ZYG11B: variants seen among roughly 807,000 people sequenced by gnomAD.
ZYG11B encodes zyg-11 family member B, cell cycle regulator.
Under a neutral mutation model 82.4 loss-of-function variants are expected in ZYG11B, and 36 were observed. The ratio of observed to expected loss-of-function variants is 0.44; its 90% CI spans 0.33 to 0.58. The LOEUF is 0.58. Among genes scored for constraint, ZYG11B ranks in the 20% least tolerant of loss-of-function variants. ZYG11B has a pLI of 0.02. For synonymous variants in ZYG11B, 303 were observed against 312.8 expected (o/e 0.97, Z 0.33); for missense variants, 552 against 895.6 (o/e 0.62, Z 4.90).
At chr1:52,767,378 C>T (rs1164255782) in intron 2 of ZYG11B, among the ~76,000 whole-genome samples, 2 of 152,042 alleles carry the variant, frequency 1.3e-5, no homozygotes, top group African/African-American at 4.8e-5. Context: ...GATCTCAACT[C>T]ACTGCAACCT....
chr1:52,757,590 G>T (rs1365374813), intron 2 of ZYG11B, among the ~76,000 whole-genome samples: 2 of 151,978 alleles, frequency 1.3e-5, no homozygotes, highest in East Asian at 3.9e-4. Context: ...CAGGAGAATC[G>T]CTTGAACCCA....
At chr1:52,757,507 C>T (rs912175621) in intron 2 of ZYG11B, among the ~76,000 whole-genome samples, 1 of 151,944 alleles carries the variant, frequency 6.6e-6, no homozygotes, top group African/African-American at 2.4e-5. Flanking sequence ...GAAACCCCAT[C>T]TTTACTAAAA....
At chr1:52,784,774 T>G (rs976152299) in intron 4 of ZYG11B, 103 bp from the exon 5 acceptor site, 1 of 1,301,172 alleles carries the variant, frequency 7.7e-7, no homozygotes, top group African/African-American at 1.5e-5. Flanking sequence ...AAAAGAAAAT[T>G]ATGACATCTT....
rs1021259311 is a variant in ZYG11B, at chr1:52,746,396, A to G, written c.31-10062A>G. Among the ~76,000 whole-genome samples, 51 of 152,174 alleles carry G rather than the reference A, an allele frequency of 3.4e-4. 1 individual carries two copies. The highest frequency in any genetic ancestry group is 3.3e-3 in the Admixed American group (50 of 15,256). ...TTCTTGAAACATCATGAAGTAGAATAGAGTTCACAGATAAACCAAGCAGAA... is the reference window on the plus strand; with the variant it reads ...TTCTTGAAACATCATGAAGTAGAATGGAGTTCACAGATAAACCAAGCAGAA... On this transcript the variant is annotated intron_variant, in intron 1 of 13. Coordinates refer to ENST00000294353, the MANE Select transcript of ZYG11B (RefSeq NM_024646.3).
chr1:52,819,807 T>A (rs1358174741), intron 13 of ZYG11B, among the ~76,000 whole-genome samples: 1 of 150,194 alleles, frequency 6.7e-6, no homozygotes, highest in Non-Finnish European at 1.5e-5. Context: ...ATAATAATAA[T>A]AATAATAGTG....
intron 1 of ZYG11B, among the ~76,000 whole-genome samples, chr1:52,752,905 C>T (rs767549287): frequency 6.6e-6 from 1 of 151,312 alleles, no homozygotes; most frequent in Non-Finnish European, 1.5e-5. Context: ...TGGAGTGCAG[C>T]AGCATGATCT....
intron 2 of ZYG11B, among the ~76,000 whole-genome samples, chr1:52,766,959 G>C (rs1644695109): frequency 6.6e-6 from 1 of 150,596 alleles, no homozygotes; most frequent in Non-Finnish European, 1.5e-5. Context: ...AGTGAGCCCA[G>C]ATCGCGCCAC....
intron 4 of ZYG11B, among the ~76,000 whole-genome samples, chr1:52,781,654 A>G (rs1419475894): frequency 6.6e-6 from 1 of 152,202 alleles, no homozygotes; most frequent in Non-Finnish European, 1.5e-5. Context: ...CAATGAGCTT[A>G]GGACTCTATT....
chr1:52,737,188 C>T lies in ZYG11B; in HGVS notation c.30+10505C>T, dbSNP rs918809593. On this transcript the variant is annotated intron_variant, in intron 1 of 13. Transcript: ENST00000294353. ...TGAGCCATTGTGCCTGGTACTACTT[C>T]TTAATTATTAAACCTTCAAGTGTCC... is the stretch of plus-strand genomic sequence containing the variant. Among the ~76,000 whole-genome samples the T allele has an allele frequency of 1.5e-4, 23 of 152,108 alleles. 1 individual carries two copies. The highest frequency in any genetic ancestry group is 4.4e-5 in the Non-Finnish European group (3 of 68,018).
chr1:52,735,629 C>T (rs1286561431), intron 1 of ZYG11B, among the ~76,000 whole-genome samples: 5 of 152,056 alleles, frequency 3.3e-5, no homozygotes, highest in African/African-American at 7.2e-5. Flanking sequence ...CTCCGCCTCC[C>T]GAGTTCAAGT....
chr1:52,738,630 T>C (rs1644397718), intron 1 of ZYG11B, among the ~76,000 whole-genome samples: 1 of 148,102 alleles, frequency 6.8e-6, no homozygotes, highest in Admixed American at 6.8e-5. Flanking sequence ...TGAGATGGAG[T>C]TTCACTCTTG....
rs777941819 is a variant in ZYG11B at position 52,819,741 on chromosome 1, G to A, written c.2045-1698G>A. 7.4e-5 allele frequency among the ~76,000 whole-genome samples: 11 copies of A among 148,692 alleles called. No homozygotes were observed. In the East Asian group the frequency reaches 1.0e-3, roughly 14 times the overall value. The stretch of plus-strand genomic sequence containing the variant: ...GTGGAGGTTACAGTGAGCCGAGATC[G>A]CACCACTGCACTTCAGCCTGGGCGA... On this transcript the variant is annotated intron_variant, in intron 13 of 13. Coordinates refer to ENST00000294353, the MANE Select transcript of ZYG11B (RefSeq NM_024646.3).
chr1:52,731,193 A>C (rs1250980962), intron 1 of ZYG11B, among the ~76,000 whole-genome samples: 1 of 151,250 alleles, frequency 6.6e-6, no homozygotes, highest in African/African-American at 2.4e-5. Flanking sequence ...GAATTGCTTG[A>C]ACCCGGGAGG....
intron 6 of ZYG11B, among the ~76,000 whole-genome samples, chr1:52,795,981 T>A (rs1645003256): frequency 6.6e-6 from 1 of 152,184 alleles, no homozygotes; most frequent in Admixed American, 6.5e-5. Context: ...ATACTTAAAT[T>A]ACAACTATAA....
At chr1:52,761,456 G>T (rs1285942935) in intron 2 of ZYG11B, among the ~76,000 whole-genome samples, 1 of 152,092 alleles carries the variant, frequency 6.6e-6, no homozygotes, top group Admixed American at 6.6e-5. Context: ...TCTGCTCCTG[G>T]CTTATTTCAC....
At chr1:52,814,568 AGGT>A (rs752185493) in intron 12 of ZYG11B, among the ~76,000 whole-genome samples, 6 of 152,226 alleles carry the variant, frequency 3.9e-5, no homozygotes, top group African/African-American at 7.2e-5. Context: ...ATGAAATTAA[AGGT>A]GAAGCCCAGT....
At chr1:52,746,695 T>TTTG (rs1644479912) in intron 1 of ZYG11B, among the ~76,000 whole-genome samples, 1 of 122,378 alleles carries the variant, frequency 8.2e-6, no homozygotes, top group Non-Finnish European at 1.7e-5. Context: ...CTGTTTTTTT[T>TTTG]TTTTTTTTTT....
At chr1:52,781,404 C>T (rs1218511897) in intron 4 of ZYG11B, among the ~76,000 whole-genome samples, 4 of 151,872 alleles carry the variant, frequency 2.6e-5, no homozygotes, top group South Asian at 2.1e-4. Flanking sequence ...GACACTGAGG[C>T]GGGAGAATTG....
chr1:52,799,529 T>C (rs1469634063), intron 8 of ZYG11B, among the ~76,000 whole-genome samples: 1 of 147,318 alleles, frequency 6.8e-6, no homozygotes, highest in Non-Finnish European at 1.5e-5. Flanking sequence ...CTGGGCACAG[T>C]GGCCCACGCC....
Sources: gnomAD v4.1 joint callset for allele counts (sites outside exome capture counted in the v4.1 genomes callset) on GRCh38, gnomAD v4.1.1 for gene constraint, MANE v1.5 for transcripts, NCBI Gene and HGNC (gene_info 2026-07-23, HGNC 2026-07-21) for gene names.